The following RIF1 variants were observed in gnomAD, a reference collection of about 807,000 sequenced individuals.
RIF1 encodes replication timing regulatory factor 1.
In RIF1, 45 loss-of-function variants were observed where a neutral mutation model predicts 247.1. The ratio of observed to expected loss-of-function variants is 0.18; its 90% CI spans 0.14 to 0.23. The LOEUF is 0.23. Among genes scored for constraint, RIF1 ranks in the 10% least tolerant of loss-of-function variants. The pLI, the probability that RIF1 is intolerant of heterozygous loss-of-function variation, is 1.00. For missense variants in RIF1, 2,967 were observed against 2,862.5 expected (o/e 1.04, Z -0.83); for synonymous variants, 1,087 against 978.8 (o/e 1.11, Z -2.06).
At chr2:151,411,614 T>C (rs1463328538) in intron 3 of RIF1, among the ~76,000 whole-genome samples, 2 of 152,134 alleles carry the variant, frequency 1.3e-5, no homozygotes, top group South Asian at 2.1e-4. Context: ...TTGGTCAGGC[T>C]GGTCTCGAAC....
chr2:151,449,260 A>G (rs957678540), intron 20 of RIF1, among the ~76,000 whole-genome samples: 2 of 152,136 alleles, frequency 1.3e-5, no homozygotes, highest in African/African-American at 4.8e-5. Context: ...AAATTATCAT[A>G]GGATTAATGT....
At chr2:151,506,214 C>A in exon 13 of RIF1, 2 of 1,613,800 alleles carry the variant, frequency 1.2e-6, no homozygotes, top group Non-Finnish European at 1.7e-6. Context: ...TCTCAGGTGT[C>A]TTTCCGATAG....
intron 31 of RIF1, 39 bp downstream of exon 31, chr2:151,468,185 G>A (rs769761347): frequency 2.0e-6 from 3 of 1,497,758 alleles, no homozygotes; most frequent in South Asian, 1.2e-5. Context: ...TATGTATACC[G>A]ACACAGAATT....
Position 151,474,869 on chromosome 2 carries a change from C to A in RIF1, c.7217C>A (p.Pro2406His). 6 of 1,542,004 alleles carry A rather than the reference C, an allele frequency of 3.9e-6. No homozygotes were observed. The highest frequency in any genetic ancestry group is 5.4e-6 in the Non-Finnish European group (6 of 1,116,346). The change falls in exon 36 of 36, where the codon CCT becomes CAT. Residue 2406 changes from proline (P) to histidine (H), a missense_variant. Around this residue, in one of 7 missense-constraint regions of RIF1, gnomAD observed 151 missense variants for 163.4 expected, o/e 0.92. Transcript: ENST00000444746. ...TTTTCTCTTTTAGATATAATTGATC[C>A]TGTTGCTTTAGAAATTCCATTATCC... ...EERLVSDIID[P>H]VALEIPLSKN...
At chr2:151,508,149 C>T (rs1168295951), downstream of RIF1, 1 of 1,422,464 alleles carries the variant, frequency 7.0e-7, no homozygotes, top group African/African-American at 1.4e-5. Context: ...GTAAACACCA[C>T]AGGGATATAG....
intron 10 of RIF1, chr2:151,496,364 A>G (rs751280827): frequency 2.5e-6 from 4 of 1,607,850 alleles, no homozygotes; most frequent in Non-Finnish European, 3.4e-6. Flanking sequence ...TTCTTTGTAT[A>G]ACACCTGTGC....
At chr2:151,432,795 AG>A (rs1401219187) in intron 9 of RIF1, among the ~76,000 whole-genome samples, 2 of 152,192 alleles carry the variant, frequency 1.3e-5, no homozygotes, top group African/African-American at 4.8e-5. Context: ...ACCAACCTGA[AG>A]TATTCCCTGG....
At chr2:151,438,301 A>G (rs1260306433) in intron 13 of RIF1, among the ~76,000 whole-genome samples, 1 of 152,032 alleles carries the variant, frequency 6.6e-6, no homozygotes, top group Non-Finnish European at 1.5e-5. Context: ...AAATGTAGTG[A>G]GAGTGCTATC....
chr2:151,509,951 A>AAAT (rs1299431233), downstream of RIF1, among the ~76,000 whole-genome samples: 1 of 152,230 alleles, frequency 6.6e-6, no homozygotes, highest in Non-Finnish European at 1.5e-5. Context: ...GAAGGCCTGG[A>AAAT]AATTATCACC....
intron 3 of RIF1, among the ~76,000 whole-genome samples, chr2:151,412,166 C>T (rs755825682): frequency 1.5e-4 from 23 of 152,210 alleles, no homozygotes; most frequent in Admixed American, 8.5e-4. Flanking sequence ...GTGTTCCTGT[C>T]TTCACTTGCC....
At chr2:151,438,541 C>T in intron 13 of RIF1, 143 bp from the exon 14 acceptor site, 2 of 621,738 alleles carry the variant, frequency 3.2e-6, no homozygotes, top group South Asian at 1.9e-5. Flanking sequence ...AAACTTACTA[C>T]AGGGTTGAGT....
chr2:151,462,648 A>ACT (rs1553492871), intron 29 of RIF1, among the ~76,000 whole-genome samples, 182 bp downstream of exon 29: 1 of 150,634 alleles, frequency 6.6e-6, no homozygotes, highest in Non-Finnish European at 1.5e-5. Flanking sequence ...GACACTAGTC[A>ACT]GTGTGTGTGT....
the RIF1 span, chr2:151,514,500 T>A: frequency 1.6e-6 from 2 of 1,213,542 alleles, no homozygotes; most frequent in Admixed American, 3.4e-5. Flanking sequence ...AAGAAGAAAA[T>A]AAAAAACAAT....
At chr2:151,413,140 C>A (rs1212756093) in intron 3 of RIF1, among the ~76,000 whole-genome samples, 1 of 151,688 alleles carries the variant, frequency 6.6e-6, no homozygotes, top group Non-Finnish European at 1.5e-5. Flanking sequence ...CGTTCTCCTG[C>A]CTCAGCCTCT....
chr2:151,460,530 ATCAACT>A (rs11278216), intron 26 of RIF1, among the ~76,000 whole-genome samples: 104,068 of 151,804 alleles, frequency 0.69, 36,103 homozygotes, highest in East Asian at 0.77. Context: ...CTATGTTCTT[ATCAACT>A]AGCTCATGCT....
chr2:151,439,244 T>C (rs1028389965), intron 14 of RIF1, among the ~76,000 whole-genome samples: 2 of 152,186 alleles, frequency 1.3e-5, no homozygotes, highest in Non-Finnish European at 2.9e-5. Context: ...AAAGTCTGAA[T>C]AGGAGTGGAC....
chr2:151,505,615 G>T, intron 12 of RIF1: 1 of 1,461,208 alleles, frequency 6.8e-7, no homozygotes, highest in Non-Finnish European at 9.6e-7. Context: ...TTACATGCTG[G>T]ACTGTTATTC....
chr2:151,533,391 G>T, the RIF1 span: 1 of 1,178,148 alleles, frequency 8.5e-7, no homozygotes, highest in Non-Finnish European at 1.2e-6. Context: ...ACAAGGGAAT[G>T]CATCCAAGAC....
intron 34 of RIF1, among the ~76,000 whole-genome samples, chr2:151,473,142 A>T (rs2048684911): frequency 6.6e-6 from 1 of 152,040 alleles, no homozygotes; most frequent in Non-Finnish European, 1.5e-5. Context: ...TGGATAGATG[A>T]TTTCATTTCT....
Sources: gnomAD v4.1 joint callset for allele counts (sites outside exome capture counted in the v4.1 genomes callset) on GRCh38, gnomAD v4.1.1 for gene constraint, gnomAD v4.1.1 regional missense constraint, MANE v1.5 for transcripts, NCBI Gene and HGNC (gene_info 2026-07-23, HGNC 2026-07-21) for gene names.